Variants in VDAC1 observed in about 807,000 individuals in gnomAD.
VDAC1 encodes non-selective voltage-gated ion channel VDAC1.
In VDAC1, 10 loss-of-function variants were observed where a neutral mutation model predicts 34.7. That is an observed-to-expected ratio of 0.29 (90% CI 0.18 to 0.49). The LOEUF is 0.49. Ranked by LOEUF, VDAC1 falls within the 20% of genes least tolerant of loss-of-function variation. VDAC1 has a pLI of 0.99. For missense variants in VDAC1, 230 were observed against 347.9 expected (o/e 0.66, Z 2.69); for synonymous variants, 130 against 136.0 (o/e 0.96, Z 0.30).
the VDAC1 span, among the ~76,000 whole-genome samples, chr5:134,024,145 G>C: frequency 6.7e-6 from 1 of 149,086 alleles, no homozygotes; most frequent in Non-Finnish European, 1.5e-5. Flanking sequence ...TCCATCTCCA[G>C]AGGAAAAAAA....
At chr5:134,055,588 G>GTTTTTTTTTTTT in the VDAC1 span, among the ~76,000 whole-genome samples, 3 of 59,612 alleles carry the variant, frequency 5.0e-5, no homozygotes, top group South Asian at 1.0e-3. Flanking sequence ...CCCCGCTAAT[G>GTTTTTTTTTTTT]TTTTTTTTTT....
At chr5:134,013,041 T>G in the VDAC1 span, among the ~76,000 whole-genome samples, 3 of 152,208 alleles carry the variant, frequency 2.0e-5, no homozygotes, top group Non-Finnish European at 4.4e-5. Context: ...GCTATCCATA[T>G]GCAGAAGAAT....
chr5:134,048,267 C>G, the VDAC1 span, among the ~76,000 whole-genome samples: 3 of 149,352 alleles, frequency 2.0e-5, no homozygotes, highest in African/African-American at 7.3e-5. Flanking sequence ...CGCACCAGGC[C>G]TTTTTTTTTT....
chr5:134,043,627 G>A, the VDAC1 span, among the ~76,000 whole-genome samples: 1 of 151,990 alleles, frequency 6.6e-6, no homozygotes, highest in African/African-American at 2.4e-5. Flanking sequence ...CAACCTCCAG[G>A]CTCAAGTTAT....
chr5:133,997,575 G>A (rs1753369218), intron 1 of VDAC1, among the ~76,000 whole-genome samples: 1 of 151,602 alleles, frequency 6.6e-6, no homozygotes, highest in Non-Finnish European at 1.5e-5. Flanking sequence ...TCACCCAGGT[G>A]TGATGGTGCA....
the VDAC1 span, among the ~76,000 whole-genome samples, chr5:134,051,959 A>C: frequency 6.6e-6 from 1 of 152,014 alleles, no homozygotes; most frequent in East Asian, 1.9e-4. Flanking sequence ...CAGCCTCCCA[A>C]AGTGCTGGGA....
At chr5:133,979,424 CTTTTTTT>C (rs71581380) in intron 6 of VDAC1, among the ~76,000 whole-genome samples, 4 of 80,992 alleles carry the variant, frequency 4.9e-5, no homozygotes, top group African/African-American at 1.0e-4. Flanking sequence ...ATTTTCTTTG[CTTTTTTT>C]TTTTTTTTTT....
At chr5:134,058,321 G>GT in the VDAC1 span, among the ~76,000 whole-genome samples, 65 of 142,310 alleles carry the variant, frequency 4.6e-4, no homozygotes, top group African/African-American at 7.7e-4. Flanking sequence ...TTTGTTTTTT[G>GT]TTTTTTTTTT....
At chr5:133,987,520 A>G (rs994135946) in intron 5 of VDAC1, among the ~76,000 whole-genome samples, 5 of 151,966 alleles carry the variant, frequency 3.3e-5, no homozygotes, top group African/African-American at 1.2e-4. Flanking sequence ...TCTACTAAAA[A>G]TACAAAAATT....
the VDAC1 span, among the ~76,000 whole-genome samples, chr5:134,053,644 A>G: frequency 6.6e-6 from 1 of 152,198 alleles, no homozygotes; most frequent in African/African-American, 2.4e-5. Flanking sequence ...ATTCCGGGCC[A>G]TTCCACATTG....
intron 7 of VDAC1, among the ~76,000 whole-genome samples, chr5:133,974,965 ACAAAC>A (rs761519007): frequency 1.8e-4 from 26 of 148,196 alleles, no homozygotes; most frequent in Non-Finnish European, 3.1e-4. Flanking sequence ...AAAAAAAAAA[ACAAAC>A]AAACAGAGAT....
the VDAC1 span, among the ~76,000 whole-genome samples, chr5:134,025,175 C>G: frequency 1.3e-5 from 2 of 152,212 alleles, no homozygotes; most frequent in African/African-American, 4.8e-5. Flanking sequence ...ATGATGCCAG[C>G]ATCTGCTTCT....
At chr5:134,069,918 G>A in the VDAC1 span, among the ~76,000 whole-genome samples, 4 of 152,104 alleles carry the variant, frequency 2.6e-5, no homozygotes, top group African/African-American at 4.8e-5. Context: ...CCAAGATGGC[G>A]ACAAGAGTGA....
chr5:134,101,071 G>A, the VDAC1 span, among the ~76,000 whole-genome samples: 1 of 152,260 alleles, frequency 6.6e-6, no homozygotes, highest in Admixed American at 6.5e-5. Context: ...CTTGCAAGGA[G>A]TAATCCCAAC....
chr5:134,010,067 T>C, the VDAC1 span, among the ~76,000 whole-genome samples: 1 of 152,210 alleles, frequency 6.6e-6, no homozygotes, highest in Non-Finnish European at 1.5e-5. Context: ...ATGAGGTTCA[T>C]CAGGAGATGT....
Position 133,992,991 on chromosome 5 carries a change from C to T in VDAC1, c.22G>A (p.Ala8Thr). ...TCCCTGGCAGATTTGCCAAGATCGG[C>T]ATACGTGGGTGGCACAGCCATCTTC... is the stretch of plus-strand genomic sequence containing the variant. MAVPPTY[A>T]DLGKSARDVF... The change falls in exon 2 of 9, where the codon GCC (alanine) becomes ACC (threonine). Residue 8 changes from alanine (A) to threonine (T), a missense_variant. Physicochemically the swap from Ala to Thr is moderately conservative, Grantham distance 58. Coordinates refer to ENST00000265333, the MANE Select transcript of VDAC1 (RefSeq NM_003374.3). 6.2e-7 allele frequency: 1 copy of T among 1,613,506 alleles called. No individual in the cohort carries two copies. Among genetic ancestry groups the T allele is most frequent in the Non-Finnish European group, 8.5e-7 (1 of 1,179,642 alleles).
chr5:133,972,948 G>T, intron 8 of VDAC1, 86 bp from the exon 9 acceptor site: 2 of 1,165,394 alleles, frequency 1.7e-6, no homozygotes, highest in Non-Finnish European at 2.5e-6. Flanking sequence ...TTCAGAACCT[G>T]TTCCAGGTAT....
chr5:134,113,045 T>A, the VDAC1 span, among the ~76,000 whole-genome samples: 1 of 152,146 alleles, frequency 6.6e-6, no homozygotes, highest in Non-Finnish European at 1.5e-5. Context: ...ACCCTACCTA[T>A]AACCTCAGGA....
At chr5:134,007,003 G>C (rs542089494), upstream of VDAC1, among the ~76,000 whole-genome samples, 1 of 152,078 alleles carries the variant, frequency 6.6e-6, no homozygotes, top group African/African-American at 2.4e-5. Context: ...CAGCACTTTG[G>C]GAGGCTGAGG....
Sources: gnomAD v4.1 joint callset for allele counts (sites outside exome capture counted in the v4.1 genomes callset) on GRCh38, gnomAD v4.1.1 for gene constraint, MANE v1.5 for transcripts, NCBI Gene and HGNC (gene_info 2026-07-23, HGNC 2026-07-21) for gene names.